Variants in CHRNA5 observed in about 807,000 individuals in gnomAD.
CHRNA5 encodes neuronal acetylcholine receptor subunit alpha-5.
A neutral mutation model predicts 41.2 loss-of-function variants in CHRNA5; 28 were observed. The ratio of observed to expected loss-of-function variants is 0.68; its 90% CI spans 0.50 to 0.93. The LOEUF is 0.93. Ranked by LOEUF, CHRNA5 falls within the 40% of genes least tolerant of loss-of-function variation. CHRNA5 has a pLI of 0.00. For missense variants in CHRNA5, 481 were observed against 581.9 expected (o/e 0.83, Z 1.78); for synonymous variants, 188 against 205.8 (o/e 0.91, Z 0.74).
Position 78,588,469 on chromosome 15 carries a change from T to C in CHRNA5, c.413+46T>C, listed in dbSNP as rs1411886405. ...AGTTTTATATTTTCAAAAGAAAACATTTGTATTTCTATTAGGCACTAATAA... is the reference window on the plus strand; with the variant it reads ...AGTTTTATATTTTCAAAAGAAAACACTTGTATTTCTATTAGGCACTAATAA... On this transcript the variant is annotated intron_variant, in intron 4 of 5. Transcript: ENST00000299565. This position sits in a 1 kb window ranked among gnomAD's most constrained non-coding sequence, Gnocchi z 4.1. 5 of 960,862 alleles carry C rather than the reference T, an allele frequency of 5.2e-6. No homozygotes were observed. Among genetic ancestry groups the C allele is most frequent in the African/African-American group, 1.7e-5 (1 of 59,072 alleles). 59.5% of individuals were successfully genotyped at this position (960,862 alleles called of 1,614,324 possible). A position where few individuals can be genotyped will look rare whatever the true frequency, so the allele number is the denominator to read the frequency against.
intron 2 of CHRNA5, among the ~76,000 whole-genome samples, chr15:78,583,416 G>A (rs557014553): frequency 2.8e-4 from 42 of 152,294 alleles, no homozygotes; most frequent in Non-Finnish European, 5.1e-4. Flanking sequence ...ACTGTCGGCC[G>A]GGCACAGTGG....
chr15:78,577,980 A>G (rs1454780307), intron 1 of CHRNA5, among the ~76,000 whole-genome samples: 1 of 151,142 alleles, frequency 6.6e-6, no homozygotes, highest in Non-Finnish European at 1.5e-5. Flanking sequence ...TTTAACCCTT[A>G]AATTTTTGGT....
intron 1 of CHRNA5, among the ~76,000 whole-genome samples, chr15:78,572,505 C>T (rs781001772): frequency 6.6e-5 from 10 of 151,916 alleles, no homozygotes; most frequent in South Asian, 2.1e-4. Flanking sequence ...TTTTTTGAGA[C>T]GGAGTTTTGC....
chr15:78,583,624 G>T (rs559553523), intron 2 of CHRNA5, among the ~76,000 whole-genome samples: 1 of 152,172 alleles, frequency 6.6e-6, no homozygotes, highest in East Asian at 1.9e-4. Context: ...GAACCTGGGA[G>T]GCGGAGCTTG....
chr15:78,573,400 T>C (rs914353963), intron 1 of CHRNA5, among the ~76,000 whole-genome samples: 7 of 152,190 alleles, frequency 4.6e-5, no homozygotes, highest in African/African-American at 1.4e-4. Flanking sequence ...AAGTATGATA[T>C]AATAAGGTAA....
chr15:78,578,625 C>T (rs566694576), intron 1 of CHRNA5, among the ~76,000 whole-genome samples: 41 of 152,294 alleles, frequency 2.7e-4, no homozygotes, highest in Admixed American at 7.8e-4. Flanking sequence ...AAATAGGTTT[C>T]CTCCAGCTAG....
intron 2 of CHRNA5, among the ~76,000 whole-genome samples, chr15:78,585,452 C>A (rs750598621): frequency 2.6e-5 from 4 of 152,162 alleles, no homozygotes; most frequent in Non-Finnish European, 4.4e-5. Flanking sequence ...TTTATTTACA[C>A]CCCTGTCCTA....
At chr15:78,591,096 G>A (rs552478059) in intron 5 of CHRNA5, 25 of 156,680 alleles carry the variant, frequency 1.6e-4, no homozygotes, top group Non-Finnish European at 2.8e-4. Flanking sequence ...TAGGCTGGGC[G>A]CAGTGGCTTC....
chr15:78,584,048 G>T (rs965047558), intron 2 of CHRNA5, among the ~76,000 whole-genome samples: 1 of 152,134 alleles, frequency 6.6e-6, no homozygotes, highest in Admixed American at 6.5e-5. Flanking sequence ...AGAAGTTGGG[G>T]AAGGGTTGCT....
intron 1 of CHRNA5, among the ~76,000 whole-genome samples, chr15:78,573,876 C>CACCTCCCA (rs1259353383): frequency 6.6e-6 from 1 of 151,476 alleles, no homozygotes; most frequent in African/African-American, 2.4e-5. Flanking sequence ...CTGCAACCTC[C>CACCTCCCA]ACCTCCCAGG....
intron 2 of CHRNA5, among the ~76,000 whole-genome samples, chr15:78,585,672 TGTAA>T (rs2052952407): frequency 6.6e-6 from 1 of 152,080 alleles, no homozygotes; most frequent in Admixed American, 6.6e-5. Context: ...AGCAGAGAGG[TGTAA>T]GTGAGAAGTA....
At chr15:78,566,824 AAT>A (rs58572134) in intron 1 of CHRNA5, among the ~76,000 whole-genome samples, 5,452 of 152,290 alleles carry the variant, frequency 0.036, 333 homozygotes, top group African/African-American at 0.12. Context: ...GATTTAAACA[AAT>A]GAAGAAAATC....
At chr15:78,584,468 T>A (rs2052941162) in intron 2 of CHRNA5, among the ~76,000 whole-genome samples, 1 of 152,268 alleles carries the variant, frequency 6.6e-6, no homozygotes, top group Admixed American at 6.5e-5. Context: ...GCATCCTCCA[T>A]TGTGCTGAGC....
rs2052962399 is a variant in CHRNA5 at position 78,586,433 on chromosome 15, T to G, written c.259-212T>G. 2.6e-5 allele frequency among the ~76,000 whole-genome samples: 4 copies of G among 152,336 alleles called. No homozygotes were observed. The South Asian group carries it at 8.3e-4, about 32-fold the overall frequency. ...CAAAAATGCCAAAGGTATCTTTTAG[T>G]GTAGTTTATCTGAAATAGAGAGTAT... On this transcript the variant is annotated intron_variant, in intron 2 of 5. Transcript: ENST00000299565.
chr15:78,572,870 T>G (rs535569476), intron 1 of CHRNA5, among the ~76,000 whole-genome samples: 5 of 152,278 alleles, frequency 3.3e-5, no homozygotes, highest in East Asian at 1.9e-4. Context: ...ATTTAAAATA[T>G]CTACACGTCA....
intron 2 of CHRNA5, among the ~76,000 whole-genome samples, chr15:78,585,791 CTT>C (rs752254237): frequency 1.5e-5 from 2 of 130,608 alleles, no homozygotes; most frequent in Non-Finnish European, 1.6e-5. Context: ...TCTTTTCTTT[CTT>C]TTTTTTTTTG....
chr15:78,589,548 TCAGGC>T (rs1328957398), intron 4 of CHRNA5: 41 of 390,204 alleles, frequency 1.1e-4, no homozygotes, highest in African/African-American at 8.2e-4. Flanking sequence ...CATTAGAATC[TCAGGC>T]TTCTGTGAAA....
At chr15:78,590,813 A>G in intron 5 of CHRNA5, 177 bp downstream of exon 5, 1 of 585,340 alleles carries the variant, frequency 1.7e-6, no homozygotes, top group Non-Finnish European at 2.9e-6. Flanking sequence ...GTTTCAGTTA[A>G]AGCACCTGCA....
chr15:78,585,424 T>C (rs1315861822), intron 2 of CHRNA5, among the ~76,000 whole-genome samples: 2 of 152,184 alleles, frequency 1.3e-5, no homozygotes, highest in Admixed American at 1.3e-4. Context: ...TCACCTCCAG[T>C]TACCTGAGGT....
Sources: allele counts gnomAD v4.1 joint callset (sites outside exome capture counted in the v4.1 genomes callset), GRCh38; gene constraint gnomAD v4.1.1; non-coding constraint Gnocchi (gnomAD v3.1); transcripts MANE v1.5; gene names NCBI Gene and HGNC (gene_info 2026-07-23, HGNC 2026-07-21).